MTR: variants seen among roughly 807,000 people sequenced by gnomAD.
The protein encoded by MTR is 5-methyltetrahydrofolate-homocysteine methyltransferase, also known as methionine synthase.
Under a neutral mutation model 154.8 loss-of-function variants are expected in MTR, and 84 were observed. That is an observed-to-expected ratio of 0.54 (90% CI 0.45 to 0.65). MTR has a LOEUF of 0.65. Ranked by LOEUF, MTR falls within the 30% of genes least tolerant of loss-of-function variation. The pLI is 0.00. For synonymous variants in MTR, 554 were observed against 553.9 expected, an observed-to-expected ratio of 1.00 and a Z score of 0.00; for missense variants, 1,275 against 1,570.2, an observed-to-expected ratio of 0.81 and a Z score of 3.18.
At chr1:236,801,466 A>G (rs1159810279) in intron 1 of MTR, among the ~76,000 whole-genome samples, 5 of 152,220 alleles carry the variant, frequency 3.3e-5, no homozygotes, top group Non-Finnish European at 7.3e-5. Context: ...CCCAGTTCTC[A>G]TATTGTATAC....
rs1451264583 is a variant in MTR at position 236,900,164 on chromosome 1, A to G, written c.*2520A>G. 3 of 410,498 alleles carry G rather than the reference A, an allele frequency of 7.3e-6. No individual in the cohort carries two copies. Among genetic ancestry groups the G allele is most frequent in the East Asian group, 7.5e-5 (1 of 13,326 alleles). The allele number at this position is 410,498 out of a possible 1,614,324, so 25.4% of individuals were successfully genotyped here. On this transcript the variant is annotated 3_prime_UTR_variant, in exon 33 of 33. Coordinates refer to ENST00000366577, the MANE Select transcript of MTR (RefSeq NM_000254.3). ...TTAATAACTGGAAAAAGTGAAATGTATGTCTGTCTACAGGAAAATAGGTGA... is the reference window on the plus strand; with the variant it reads ...TTAATAACTGGAAAAAGTGAAATGTGTGTCTGTCTACAGGAAAATAGGTGA...
intron 29 of MTR, among the ~76,000 whole-genome samples, chr1:236,893,095 C>T (rs3820570): frequency 1.4e-4 from 22 of 152,008 alleles, no homozygotes; most frequent in Non-Finnish European, 2.9e-4. Context: ...GCTGTCTCTT[C>T]GAAGGTACCA....
chr1:236,903,752 A>T lies in MTR; in HGVS notation c.*6108A>T, dbSNP rs1254611787. 6.6e-6 allele frequency: 1 copy of T among 152,214 alleles called. No homozygotes were observed. Among genetic ancestry groups the T allele is most frequent in the African/African-American group, 2.4e-5 (1 of 41,462 alleles). The allele number at this position is 152,214 out of a possible 1,614,324, so 9.4% of individuals were successfully genotyped here. On this transcript the variant is annotated 3_prime_UTR_variant, in exon 33 of 33. Coordinates refer to ENST00000366577, the MANE Select transcript of MTR (RefSeq NM_000254.3). ...GGTGAGGAAGGAACTCTGAACTCTC[A>T]CAATCTTGTTTCTTCATTTCCCAGA...
intron 8 of MTR, chr1:236,820,510 A>G: frequency 1.0e-6 from 1 of 988,142 alleles, no homozygotes; most frequent in Non-Finnish European, 1.6e-6. Context: ...GCAACCACTG[A>G]ATGGTCTTAA....
chr1:236,863,653 C>T lies in MTR; in HGVS notation c.2405+99C>T, dbSNP rs898713386. On this transcript the variant is annotated intron_variant, in intron 22 of 32. Transcript: ENST00000366577. ...AATGGGTGGGAAGAGTAGGGCATGG[C>T]AGTGGATGTTAGAGGTTATTTTTTA... 4 of 1,039,894 alleles carry T rather than the reference C, an allele frequency of 3.8e-6. No individual in the cohort carries two copies. The African/African-American group carries it at 6.3e-5, about 16-fold the overall frequency. 64.4% of individuals were successfully genotyped at this position (1,039,894 alleles called of 1,614,324 possible).
At position 236,838,359 on chromosome 1, in the gene MTR, G is replaced by C. The variant is rs941231636; in HGVS notation, c.1330-55G>C. 4 of 1,576,132 alleles carry C rather than the reference G, an allele frequency of 2.5e-6. No individual in the cohort carries two copies. The South Asian group carries it at 3.3e-5, about 13-fold the overall frequency. Reference sequence around the variant, plus strand: ...GGGAATACTTTGGAGCCTTTGAAAAGTAATTTATAGTGACCTGTGGCCTCT... The same window carrying C: ...GGGAATACTTTGGAGCCTTTGAAAACTAATTTATAGTGACCTGTGGCCTCT... On this transcript the variant is annotated intron_variant, in intron 14 of 32. Transcript: ENST00000366577.
rs1280282475 is a variant in MTR, at chr1:236,902,599, T to C, written c.*4955T>C. ...TGAGGGCAGGGGCCCTGCCTCTTCC[T>C]GAGCTCAGGATACCCAGAGCCTAGC... On this transcript the variant is annotated 3_prime_UTR_variant, in exon 33 of 33. Coordinates refer to ENST00000366577, the MANE Select transcript of MTR (RefSeq NM_000254.3). 2 of 152,218 alleles carry C rather than the reference T, an allele frequency of 1.3e-5. No individual in the cohort carries two copies. Among genetic ancestry groups the C allele is most frequent in the African/African-American group, 4.8e-5 (2 of 41,438 alleles). 9.4% of individuals were successfully genotyped at this position (152,218 alleles called of 1,614,324 possible).
intron 11 of MTR, among the ~76,000 whole-genome samples, chr1:236,827,985 A>G (rs1017558667): frequency 2.0e-5 from 3 of 151,916 alleles, no homozygotes; most frequent in Admixed American, 1.3e-4. Flanking sequence ...TAATATATAT[A>G]TATATTTTTT....
intron 31 of MTR, among the ~76,000 whole-genome samples, 195 bp from the exon 32 acceptor site, chr1:236,896,811 A>AT (rs760832874): frequency 6.6e-6 from 1 of 152,120 alleles, no homozygotes; most frequent in Non-Finnish European, 1.5e-5. Flanking sequence ...CATGTCCCGA[A>AT]TTTGTTTCTT....
intron 8 of MTR, among the ~76,000 whole-genome samples, chr1:236,821,227 A>G (rs917995044): frequency 1.3e-5 from 2 of 152,222 alleles, no homozygotes; most frequent in Admixed American, 1.3e-4. Flanking sequence ...GCATGTGTGA[A>G]AGAGAGGGGA....
intron 6 of MTR, among the ~76,000 whole-genome samples, chr1:236,813,870 G>A (rs1019781323): frequency 2.9e-4 from 44 of 152,064 alleles, no homozygotes; most frequent in African/African-American, 1.0e-3. Context: ...CGTTTTAATG[G>A]TGTAGGAGAA....
intron 8 of MTR, chr1:236,819,851 T>C: frequency 1.3e-6 from 1 of 770,912 alleles, no homozygotes. Context: ...AAAACCCTGC[T>C]GATGTCAGTG....
At chr1:236,825,006 C>T (rs960019570) in intron 9 of MTR, among the ~76,000 whole-genome samples, 20 of 152,256 alleles carry the variant, frequency 1.3e-4, no homozygotes, top group Admixed American at 5.9e-4. Context: ...ACCCCCACCC[C>T]CAAGCGGCTA....
chr1:236,874,501 G>A (rs954769702), intron 23 of MTR, among the ~76,000 whole-genome samples: 1 of 151,246 alleles, frequency 6.6e-6, no homozygotes, highest in Non-Finnish European at 1.5e-5. Context: ...AACCCAGGAG[G>A]CAAAGGTTGC....
chr1:236,882,749 G>A (rs548700725), intron 25 of MTR, among the ~76,000 whole-genome samples: 1 of 152,244 alleles, frequency 6.6e-6, no homozygotes, highest in East Asian at 1.9e-4. Flanking sequence ...GCCAGGCAGG[G>A]AATGAGGAGT....
Position 236,820,605 on chromosome 1 carries a change from G to C in MTR, c.765-3514G>C, listed in dbSNP as rs945175522. 5.3e-5 allele frequency: 27 copies of C among 513,534 alleles called. No homozygotes were observed. The Admixed American group carries it at 6.4e-4, about 12-fold the overall frequency. The allele number at this position is 513,534 out of a possible 1,614,324, so 31.8% of individuals were successfully genotyped here. ...AGTTTCTTAAAAAAAAAAAAAAAAA[G>C]TTTCCGTAAACATTCATGGCAGGTT... On this transcript the variant is annotated intron_variant, in intron 8 of 32. Coordinates refer to ENST00000366577, the MANE Select transcript of MTR (RefSeq NM_000254.3).
rs75944388 is a variant in MTR, at chr1:236,877,711, A to T, written c.2594+2865A>T. The stretch of plus-strand genomic sequence containing the variant: ...AATGCTGCTATGAACACTTATGCTT[A>T]TGAATTTTGGTGCACATGTATGTGT... On this transcript the variant is annotated intron_variant, in intron 24 of 32. Coordinates refer to ENST00000366577, the MANE Select transcript of MTR (RefSeq NM_000254.3). 1.6e-3 allele frequency among the ~76,000 whole-genome samples: 241 copies of T among 152,278 alleles called. 7 individuals are homozygous for T. In the East Asian group the frequency reaches 0.041, roughly 26 times the overall value.
chr1:236,880,844 G>T lies in MTR; in HGVS notation c.2676+8G>T, dbSNP rs757358617. 8.7e-6 allele frequency: 14 copies of T among 1,612,146 alleles called. No individual in the cohort carries two copies. The highest frequency in any genetic ancestry group is 1.3e-5 in the African/African-American group (1 of 74,860). On this transcript the variant is annotated splice_region_variant and intron_variant, in intron 25 of 32. Coordinates refer to ENST00000366577, the MANE Select transcript of MTR (RefSeq NM_000254.3). ...TCCAAGAGTGTGGTGGTGGTAAGTG[G>T]GTGACCTTACATTTTATTCCAGATG...
chr1:236,803,523 G>C lies in MTR; in HGVS notation c.130G>C (p.Glu44Gln), dbSNP rs1447510980. ...AGGGATGGGGACCATGATCCAGCGG[G>C]AGAAGCTAAACGAAGAACACTTCCG... is the stretch of plus-strand genomic sequence containing the variant. ...DGGMGTMIQR[E>Q]KLNEEHFRGQ... The change falls in exon 2 of 33, where the codon GAG becomes CAG. Residue 44 changes from glutamate (E) to glutamine (Q), a missense_variant. Transcript: ENST00000366577. 1 of 1,614,182 alleles carries C rather than the reference G, an allele frequency of 6.2e-7. No individual in the cohort carries two copies. Among genetic ancestry groups the C allele is most frequent in the Non-Finnish European group, 8.5e-7 (1 of 1,180,030 alleles).
Sources: allele counts gnomAD v4.1 joint callset (sites outside exome capture counted in the v4.1 genomes callset), GRCh38; gene constraint gnomAD v4.1.1; transcripts MANE v1.5; gene names NCBI Gene and HGNC (gene_info 2026-07-23, HGNC 2026-07-21).